Variants in MCC observed in about 807,000 individuals in gnomAD.
MCC encodes MCC regulator of Wnt signaling pathway, also known as colorectal mutant cancer protein.
A neutral mutation model predicts 116.2 loss-of-function variants in MCC; 90 were observed. The ratio of observed to expected loss-of-function variants is 0.77; its 90% CI spans 0.65 to 0.92. The LOEUF is 0.92. Ranked by LOEUF, MCC falls within the 40% of genes least tolerant of loss-of-function variation. The pLI, the probability that MCC is intolerant of heterozygous loss-of-function variation, is 0.00. For missense variants in MCC, 1,516 were observed against 1,312.2 expected, an observed-to-expected ratio of 1.16 and a Z score of -2.40; for synonymous variants, 578 against 510.5, an observed-to-expected ratio of 1.13 and a Z score of -1.78.
At chr5:113,056,124 T>A (rs1752818407) in intron 14 of MCC, among the ~76,000 whole-genome samples, 1 of 152,322 alleles carries the variant, frequency 6.6e-6, no homozygotes, top group Non-Finnish European at 1.5e-5. Context: ...CACCTCCTAT[T>A]GGTTCTGATT....
intron 1 of MCC, among the ~76,000 whole-genome samples, chr5:113,409,148 A>AT: frequency 1.3e-5 from 2 of 152,188 alleles, no homozygotes; most frequent in South Asian, 4.1e-4. Flanking sequence ...ATTACCCTAT[A>AT]TTTGTCTTTC....
intron 1 of MCC, among the ~76,000 whole-genome samples, chr5:113,457,539 G>A (rs973950956): frequency 6.6e-6 from 1 of 152,190 alleles, no homozygotes; most frequent in Non-Finnish European, 1.5e-5. Context: ...AGCGCATGGC[G>A]TGGGACTGGC....
intron 15 of MCC, among the ~76,000 whole-genome samples, chr5:113,049,971 C>T (rs1190814893): frequency 6.6e-6 from 1 of 152,156 alleles, no homozygotes; most frequent in East Asian, 1.9e-4. Context: ...GTGGAGAATA[C>T]GAAGTGAATC....
intron 3 of MCC, among the ~76,000 whole-genome samples, chr5:113,195,454 C>T (rs1000452714): frequency 3.3e-5 from 5 of 152,036 alleles, no homozygotes; most frequent in African/African-American, 7.2e-5. Context: ...CTCATCTCTT[C>T]GTATGACAGG....
rs1580392673 is a variant in MCC at position 113,451,436 on chromosome 5, T to A, written c.170+36809A>T. Among the ~76,000 whole-genome samples the A allele has an allele frequency of 3.3e-5, 5 of 152,340 alleles. No individual in the cohort carries two copies. The South Asian group carries it at 1.0e-3, about 32-fold the overall frequency. On this transcript the variant is annotated intron_variant, in intron 1 of 18. Coordinates refer to ENST00000408903, the MANE Select transcript of MCC (RefSeq NM_001085377.2). The stretch of plus-strand genomic sequence containing the variant: ...CATGTTTTGTATCATCTCCATTTCA[T>A]GGATTAAGAAAACTGAGGCTGGGTG...
At chr5:113,326,517 C>T (rs1767557340) in intron 3 of MCC, among the ~76,000 whole-genome samples, 1 of 152,134 alleles carries the variant, frequency 6.6e-6, no homozygotes, top group Non-Finnish European at 1.5e-5. Context: ...AGCTAGTTCC[C>T]TTTAGCTCAT....
intron 3 of MCC, among the ~76,000 whole-genome samples, chr5:113,267,911 A>G (rs17135520): frequency 0.11 from 16,431 of 152,244 alleles, 1,397 homozygotes; most frequent in Admixed American, 0.25. Context: ...ATGTCTTATA[A>G]AAAAGGTATG....
At chr5:113,439,221 G>C (rs931022528) in intron 1 of MCC, among the ~76,000 whole-genome samples, 3 of 152,208 alleles carry the variant, frequency 2.0e-5, no homozygotes, top group African/African-American at 7.2e-5. Context: ...GAGTGTCGGG[G>C]AGCAAGTCTG....
chr5:113,402,626 T>C (rs534337643), intron 1 of MCC, among the ~76,000 whole-genome samples: 3 of 152,150 alleles, frequency 2.0e-5, no homozygotes, highest in Non-Finnish European at 4.4e-5. Context: ...GGTTAAAAAA[T>C]GCAAATTGTT....
intron 5 of MCC, among the ~76,000 whole-genome samples, chr5:113,124,937 G>A (rs768464997): frequency 4.3e-4 from 65 of 152,216 alleles, no homozygotes; most frequent in Admixed American, 8.5e-4. Context: ...AAGACCTCCT[G>A]GGTGGAGCAG....
intron 2 of MCC, among the ~76,000 whole-genome samples, chr5:113,349,837 A>G (rs1203864655): frequency 6.6e-6 from 1 of 152,140 alleles, no homozygotes; most frequent in Non-Finnish European, 1.5e-5. Context: ...AGACAAATTC[A>G]GTAAAGTTGC....
chr5:113,401,168 CT>C (rs1352766355), intron 1 of MCC, among the ~76,000 whole-genome samples: 1 of 152,108 alleles, frequency 6.6e-6, no homozygotes, highest in Non-Finnish European at 1.5e-5. Flanking sequence ...TCAGGTCACA[CT>C]TTTTATGGGA....
At position 113,050,781 on chromosome 5, in the gene MCC, G is replaced by T. The variant is rs186320970; in HGVS notation, c.2449-1482C>A. ...CAGAAATGAAGAGGGAACTCTGCCA[G>T]AGAGAACGGCAAGGAGGGCAGGTGC... is the stretch of plus-strand genomic sequence containing the variant. On this transcript the variant is annotated intron_variant, in intron 15 of 18. Transcript: ENST00000408903. Among the ~76,000 whole-genome samples, 6 of 152,342 alleles carry T rather than the reference G, an allele frequency of 3.9e-5. 1 individual carries two copies. Among genetic ancestry groups the T allele is most frequent in the Admixed American group, 3.3e-4 (5 of 15,308 alleles).
At chr5:113,462,333 G>A (rs1049485095) in intron 1 of MCC, among the ~76,000 whole-genome samples, 2 of 152,210 alleles carry the variant, frequency 1.3e-5, no homozygotes, top group African/African-American at 2.4e-5. Context: ...TGGATTTTCC[G>A]GGCTGCTTGT....
intron 3 of MCC, among the ~76,000 whole-genome samples, chr5:113,266,876 G>T (rs867921754): frequency 1.3e-5 from 2 of 151,894 alleles, no homozygotes; most frequent in African/African-American, 4.8e-5. Flanking sequence ...GAACACAATG[G>T]GTCATAAAAT....
chr5:113,435,519 C>T (rs1441740719), intron 1 of MCC: 3 of 152,182 alleles, frequency 2.0e-5, no homozygotes, highest in Admixed American at 6.5e-5. Context: ...GAAGTCCCAT[C>T]CCTGACTTCT....
At chr5:113,055,594 T>A (rs931196857) in intron 14 of MCC, among the ~76,000 whole-genome samples, 6 of 152,316 alleles carry the variant, frequency 3.9e-5, no homozygotes, top group African/African-American at 1.4e-4. Flanking sequence ...CCTTTGGGGC[T>A]GCGTCTCACT....
At chr5:113,428,430 C>T (rs1347016735) in intron 1 of MCC, among the ~76,000 whole-genome samples, 2 of 152,176 alleles carry the variant, frequency 1.3e-5, no homozygotes, top group African/African-American at 4.8e-5. Context: ...CTGGGAACTG[C>T]TTTCTGTGGA....
At chr5:113,312,062 C>T (rs760648263) in intron 3 of MCC, among the ~76,000 whole-genome samples, 2 of 152,008 alleles carry the variant, frequency 1.3e-5, no homozygotes, top group East Asian at 1.9e-4. Context: ...GCCGAGGTCG[C>T]GCCACTGCAC....
Sources: gnomAD v4.1 joint callset for allele counts (sites outside exome capture counted in the v4.1 genomes callset) on GRCh38, gnomAD v4.1.1 for gene constraint, MANE v1.5 for transcripts, NCBI Gene and HGNC (gene_info 2026-07-23, HGNC 2026-07-21) for gene names.